Variants in ACTR10 observed in about 807,000 individuals in gnomAD.
The protein encoded by ACTR10 is actin-related protein 10.
Under a neutral mutation model 56.2 loss-of-function variants are expected in ACTR10, and 43 were observed. The observed-to-expected ratio is 0.77, with a 90% confidence interval of 0.60 to 0.99. The LOEUF is 0.99. Among genes scored for constraint, ACTR10 ranks in the 50% least tolerant of loss-of-function variants. ACTR10 has a pLI of 0.00. For synonymous variants in ACTR10, 170 were observed against 176.3 expected, an observed-to-expected ratio of 0.96 and a Z score of 0.28; for missense variants, 466 against 507.8, an observed-to-expected ratio of 0.92 and a Z score of 0.79.
chr14:58,234,818 CTTTTTTTT>C lies in ACTR10; in HGVS notation c.*281_*288del. 6 of 95,480 alleles carry C rather than the reference CTTTTTTTT, an allele frequency of 6.3e-5. No homozygotes were observed. The highest frequency in any genetic ancestry group is 2.6e-4 in the East Asian group (1 of 3,838). The allele number at this position is 95,480 out of a possible 1,614,324, so 5.9% of individuals were successfully genotyped here. On this transcript the variant is annotated 3_prime_UTR_variant, in exon 13 of 13. Coordinates refer to ENST00000254286, the MANE Select transcript of ACTR10 (RefSeq NM_018477.3). ...TTGATTTTGGAAGTTTGTTATGTGG[CTTTTTTTT>C]TTTTTTTTTTTTTGAGACGGAGTCT...
rs1259586487 is a variant in ACTR10, at chr14:58,200,166, A to T, written c.-52A>T. 1 of 1,383,354 alleles carries T rather than the reference A, an allele frequency of 7.2e-7. No individual in the cohort carries two copies. Among genetic ancestry groups the T allele is most frequent in the African/African-American group, 1.5e-5 (1 of 67,430 alleles). 85.7% of individuals were successfully genotyped at this position (1,383,354 alleles called of 1,614,324 possible). ...CCGGCCCCGCCCCGCGAGCGCCGAGACTTGTTGGCCGCGGAGACTGCGACC... is the reference window on the plus strand; with the variant it reads ...CCGGCCCCGCCCCGCGAGCGCCGAGTCTTGTTGGCCGCGGAGACTGCGACC... On this transcript the variant is annotated 5_prime_UTR_variant, in exon 1 of 13. Coordinates refer to ENST00000254286, the MANE Select transcript of ACTR10 (RefSeq NM_018477.3).
rs114723386 is a variant in ACTR10, at chr14:58,231,324, A to G, written c.871-742A>G. 8.0e-3 allele frequency among the ~76,000 whole-genome samples: 1,212 copies of G among 151,838 alleles called. 26 individuals carry two copies. The highest frequency in any genetic ancestry group is 0.027 in the African/African-American group (1,119 of 41,554). The stretch of plus-strand genomic sequence containing the variant: ...GTCTCGGCCTCCCAAAGGGCTGTAC[A>G]GGCGTGAGCCACCAAACCCAGTGAC... On this transcript the variant is annotated intron_variant, in intron 11 of 12. Coordinates refer to ENST00000254286, the MANE Select transcript of ACTR10 (RefSeq NM_018477.3).
intron 12 of ACTR10, among the ~76,000 whole-genome samples, chr14:58,233,690 C>G (rs1293268217): frequency 6.6e-6 from 1 of 152,150 alleles, no homozygotes; most frequent in Non-Finnish European, 1.5e-5. Context: ...TCAGCTGTAA[C>G]TACTTTGAAG....
intron 10 of ACTR10, among the ~76,000 whole-genome samples, chr14:58,228,975 C>T (rs201763779): frequency 4.0e-5 from 5 of 125,878 alleles, no homozygotes; most frequent in Non-Finnish European, 8.4e-5. Flanking sequence ...AAAGATAATA[C>T]AGAGAGGTCC....
intron 5 of ACTR10, 91 bp from the exon 6 acceptor site, chr14:58,213,540 A>G (rs1396179911): frequency 7.2e-6 from 5 of 692,460 alleles, no homozygotes; most frequent in Non-Finnish European, 8.9e-6. Flanking sequence ...TCACTAAAGC[A>G]TATTTAGAAC....
At chr14:58,206,633 A>G (rs946360746) in intron 2 of ACTR10, among the ~76,000 whole-genome samples, 16 of 152,224 alleles carry the variant, frequency 1.1e-4, no homozygotes, top group African/African-American at 2.9e-4. Flanking sequence ...AGGTCTGCCA[A>G]TGATGCATCA....
At chr14:58,203,739 C>G (rs1470642009) in intron 2 of ACTR10, among the ~76,000 whole-genome samples, 1 of 152,096 alleles carries the variant, frequency 6.6e-6, no homozygotes, top group African/African-American at 2.4e-5. Flanking sequence ...TGAAAACAAA[C>G]TTTCAAAAAG....
rs1258773273 is a variant in ACTR10, at chr14:58,235,085, T to C, written c.*534T>C. On this transcript the variant is annotated 3_prime_UTR_variant, in exon 13 of 13. Transcript: ENST00000254286. ...CACCCTCCTCGGCCTCCCAAAGTGTTGGGATTACAGGCGTGAACCACTGTA... is the reference window on the plus strand; with the variant it reads ...CACCCTCCTCGGCCTCCCAAAGTGTCGGGATTACAGGCGTGAACCACTGTA... 1.3e-5 allele frequency: 2 copies of C among 152,622 alleles called. No homozygotes were observed. Among genetic ancestry groups the C allele is most frequent in the Non-Finnish European group, 2.9e-5 (2 of 68,392 alleles). The allele number at this position is 152,622 out of a possible 1,614,324, so 9.5% of individuals were successfully genotyped here. A position where few individuals can be genotyped will look rare whatever the true frequency, so the allele number is the denominator to read the frequency against.
rs1342443153 is a variant in ACTR10 at position 58,223,819 on chromosome 14, G to A, written c.751G>A (p.Asp251Asn). The A allele has an allele frequency of 6.2e-7, 1 of 1,613,060 alleles. No individual in the cohort carries two copies. The highest frequency in any genetic ancestry group is 2.2e-5 in the East Asian group (1 of 44,880). Reference protein sequence around the residue: ...SPPPNVDYPLDGEKILHILGS... With the variant: ...SPPPNVDYPLNGEKILHILGS... ...ACCCCCAAATGTTGACTATCCATTA[G>A]ATGGAGAGAAGATTTTACATATCCT... Residue 251 changes from aspartate to asparagine, a missense_variant, in exon 10 of 13, where the codon GAT becomes AAT. By Grantham distance (23) the Asp-to-Asn change is conservative (BLOSUM62 1). Coordinates refer to ENST00000254286, the MANE Select transcript of ACTR10 (RefSeq NM_018477.3).
At chr14:58,226,399 C>G (rs1403290745) in intron 10 of ACTR10, among the ~76,000 whole-genome samples, 2 of 149,764 alleles carry the variant, frequency 1.3e-5, no homozygotes, top group South Asian at 4.2e-4. Context: ...CATGAGCCAC[C>G]GCCCTGGGCT....
chr14:58,214,714 C>T (rs1400719143), intron 6 of ACTR10, among the ~76,000 whole-genome samples: 1 of 149,592 alleles, frequency 6.7e-6, no homozygotes, highest in Non-Finnish European at 1.5e-5. Context: ...TGTTCTCAAA[C>T]TCCTGACCTC....
chr14:58,202,556 C>T (rs909926369), intron 1 of ACTR10, among the ~76,000 whole-genome samples: 18 of 151,854 alleles, frequency 1.2e-4, no homozygotes, highest in African/African-American at 4.4e-4. Flanking sequence ...TGCACTCCAG[C>T]CTGGGTGACA....
chr14:58,208,591 C>T (rs1382077811), intron 3 of ACTR10, among the ~76,000 whole-genome samples: 2 of 151,786 alleles, frequency 1.3e-5, no homozygotes, highest in African/African-American at 4.8e-5. Context: ...CTGTGGCTCA[C>T]ATCTGTAGTA....
intron 6 of ACTR10, among the ~76,000 whole-genome samples, chr14:58,214,825 G>A (rs997551768): frequency 2.6e-5 from 4 of 150,974 alleles, no homozygotes; most frequent in African/African-American, 9.7e-5. Flanking sequence ...TAATAATCGG[G>A]CTGGGTGTGG....
At position 58,202,260 on chromosome 14, in the gene ACTR10, T is replaced by G. The variant is rs77379152; in HGVS notation, c.78-595T>G. ...CAGATTCAGAGTTGTAGATATGTCT[T>G]GCCTAAATTCTGCTAAAATTAACAA... is the stretch of plus-strand genomic sequence containing the variant. On this transcript the variant is annotated intron_variant, in intron 1 of 12. Transcript: ENST00000254286. 1.5e-3 allele frequency among the ~76,000 whole-genome samples: 222 copies of G among 152,144 alleles called. 5 individuals carry two copies. The East Asian group carries it at 0.031, about 21-fold the overall frequency.
intron 4 of ACTR10, among the ~76,000 whole-genome samples, chr14:58,210,800 T>C (rs566277289): frequency 1.7e-4 from 26 of 151,874 alleles, no homozygotes; most frequent in Non-Finnish European, 2.5e-4. Flanking sequence ...TCAGTCTCCC[T>C]TGTAGCTGAG....
chr14:58,221,244 C>G (rs1889258662), intron 8 of ACTR10, among the ~76,000 whole-genome samples: 1 of 146,542 alleles, frequency 6.8e-6, no homozygotes, highest in Non-Finnish European at 1.5e-5. Flanking sequence ...GATCGCGCCA[C>G]TGCACTCCAG....
chr14:58,226,462 A>G (rs915871288), intron 10 of ACTR10, among the ~76,000 whole-genome samples: 1 of 151,420 alleles, frequency 6.6e-6, no homozygotes, highest in African/African-American at 2.4e-5. Flanking sequence ...TTCAATGAAC[A>G]TGGAATTGTT....
chr14:58,230,508 T>G (rs1401255419), intron 11 of ACTR10, 28 bp downstream of exon 11: 1 of 1,205,498 alleles, frequency 8.3e-7, no homozygotes, highest in East Asian at 2.6e-5. Context: ...AAAATTCCCT[T>G]TATTACCACA....
Sources: allele counts gnomAD v4.1 joint callset (sites outside exome capture counted in the v4.1 genomes callset), GRCh38; gene constraint gnomAD v4.1.1; transcripts MANE v1.5; gene names NCBI Gene and HGNC (gene_info 2026-07-23, HGNC 2026-07-21).